The following NBDY variants were observed in gnomAD, a reference collection of about 807,000 sequenced individuals.
NBDY encodes negative regulator of P-body association, also known as P-body dissociating protein.
intron 2 of NBDY, among the ~76,000 whole-genome samples, chrX:56,764,549 C>A (rs1602657548): frequency 1.8e-5 from 2 of 110,364 alleles, no homozygotes; most frequent in African/African-American, 3.3e-5. Flanking sequence ...GATCTCTGTT[C>A]CTGGCAGAAG....
chrX:56,743,369 A>G (rs2069540969), intron 2 of NBDY, among the ~76,000 whole-genome samples: 1 of 111,145 alleles, frequency 9.0e-6, no homozygotes, highest in African/African-American at 3.3e-5. Flanking sequence ...TAGGATTGAT[A>G]TTAGTTCTTC....
At chrX:56,810,566 A>T (rs2069881066) in intron 2 of NBDY, among the ~76,000 whole-genome samples, 1 of 109,441 alleles carries the variant, frequency 9.1e-6, no homozygotes, top group African/African-American at 3.3e-5. Flanking sequence ...TGTATGCTTC[A>T]CGAAGTTCTT....
chrX:56,805,425 G>A (rs960432948), intron 2 of NBDY, among the ~76,000 whole-genome samples: 2 of 112,268 alleles, frequency 1.8e-5, no homozygotes, highest in African/African-American at 6.5e-5. Flanking sequence ...TCACTCAAAA[G>A]TGTAGGCCCA....
At position 56,802,383 on chromosome X, in the gene NBDY, C is replaced by T. The variant is rs745917631; in HGVS notation, c.*167-14937C>T. Among the ~76,000 whole-genome samples the T allele has an allele frequency of 2.8e-4, 31 of 111,993 alleles. No homozygotes were observed. The South Asian group carries it at 6.8e-3, about 25-fold the overall frequency. ...TGTGATGCCATGGGAATCTGTGTTG[C>T]GTGGTGGCCTTCCCCAGTTCCCCTA... On this transcript the variant is annotated intron_variant, in intron 2 of 2. Transcript: ENST00000374922.
intron 2 of NBDY, among the ~76,000 whole-genome samples, chrX:56,807,209 T>C (rs1313164386): frequency 2.7e-5 from 3 of 112,315 alleles, no homozygotes; most frequent in African/African-American, 9.7e-5. Context: ...CTGTTTTGGT[T>C]ACTGTAGCCT....
chrX:56,804,670 C>A (rs749814074), intron 2 of NBDY, among the ~76,000 whole-genome samples: 4 of 111,871 alleles, frequency 3.6e-5, no homozygotes, highest in South Asian at 7.5e-4. Flanking sequence ...GGTTTGATAC[C>A]GAGCACTCTG....
chrX:56,753,768 T>C (rs953242711), intron 2 of NBDY, among the ~76,000 whole-genome samples: 6 of 107,878 alleles, frequency 5.6e-5, no homozygotes, highest in Admixed American at 3.0e-4. Flanking sequence ...TTTAAAAGCA[T>C]CCATTGGTGA....
chrX:56,803,086 G>C (rs1468328774), intron 2 of NBDY, among the ~76,000 whole-genome samples: 1 of 112,029 alleles, frequency 8.9e-6, no homozygotes, highest in Admixed American at 9.4e-5. Context: ...AGCTGGGCAT[G>C]AGTGCTGGAG....
At chrX:56,788,743 G>T (rs1390410664) in intron 2 of NBDY, among the ~76,000 whole-genome samples, 1 of 112,738 alleles carries the variant, frequency 8.9e-6, no homozygotes, top group Non-Finnish European at 1.9e-5. Flanking sequence ...GCTGTCAGTG[G>T]CCAGTGGCTT....
rs2069819638 is a variant in NBDY, at chrX:56,801,020, G to A, written c.*167-16300G>A. On this transcript the variant is annotated intron_variant, in intron 2 of 2. Transcript: ENST00000374922. ...GTAGATTAGAAGCCCGTGGCCCCTT[G>A]CAGTGCGCTGATGACATCTGGAGGG... Among the ~76,000 whole-genome samples, 6 of 111,543 alleles carry A rather than the reference G, an allele frequency of 5.4e-5. No individual in the cohort carries two copies. The South Asian group carries it at 2.3e-3, about 43-fold the overall frequency.
chrX:56,766,521 G>A (rs947988352), intron 2 of NBDY, among the ~76,000 whole-genome samples: 20 of 111,866 alleles, frequency 1.8e-4, no homozygotes, highest in African/African-American at 5.5e-4. Flanking sequence ...AATCAAAGGG[G>A]TAGGGGCCCA....
At chrX:56,741,800 G>A (rs932558530) in intron 2 of NBDY, among the ~76,000 whole-genome samples, 1 of 111,102 alleles carries the variant, frequency 9.0e-6, no homozygotes, top group African/African-American at 3.3e-5. Flanking sequence ...ATACTTTATA[G>A]ACTGTTTGCT....
intron 2 of NBDY, among the ~76,000 whole-genome samples, 186 bp from the exon 3 acceptor site, chrX:56,817,134 G>A (rs1268766511): frequency 1.8e-5 from 2 of 111,549 alleles, no homozygotes; most frequent in Non-Finnish European, 3.8e-5. Flanking sequence ...AAAAGATGCA[G>A]GTTATTGACA....
At chrX:56,765,260 G>A (rs2069659879) in intron 2 of NBDY, among the ~76,000 whole-genome samples, 1 of 111,613 alleles carries the variant, frequency 9.0e-6, no homozygotes, top group Non-Finnish European at 1.9e-5. Context: ...TGCAGTGGGT[G>A]GCTGATTATC....
chrX:56,767,403 C>A (rs1296929679), intron 2 of NBDY, among the ~76,000 whole-genome samples: 1 of 113,425 alleles, frequency 8.8e-6, no homozygotes, highest in African/African-American at 3.2e-5. Flanking sequence ...CCTTGAGGAG[C>A]CCCTCAGCCC....
At chrX:56,737,415 G>A (rs956090667) in intron 2 of NBDY, 1 of 644,577 alleles carries the variant, frequency 1.6e-6, no homozygotes, top group Admixed American at 2.3e-5. Context: ...TCATTATAAA[G>A]GTTCTCAGGA....
intron 2 of NBDY, among the ~76,000 whole-genome samples, chrX:56,762,362 C>T (rs1300489724): frequency 9.2e-6 from 1 of 108,714 alleles, no homozygotes; most frequent in Non-Finnish European, 1.9e-5. Flanking sequence ...TCTCTCTTTT[C>T]CTTTCACTTT....
chrX:56,758,258 G>A (rs1407419215), intron 2 of NBDY, among the ~76,000 whole-genome samples: 13 of 107,213 alleles, frequency 1.2e-4, no homozygotes, highest in Non-Finnish European at 1.9e-4. Flanking sequence ...AGAGGTTTCA[G>A]GGAGCCGAGA....
intron 2 of NBDY, among the ~76,000 whole-genome samples, chrX:56,799,509 G>T (rs1328747580): frequency 8.8e-6 from 1 of 113,225 alleles, no homozygotes; most frequent in Non-Finnish European, 1.9e-5. Context: ...AGTTCCAATG[G>T]CAGGTACACT....
Sources: allele counts gnomAD v4.1 joint callset (sites outside exome capture counted in the v4.1 genomes callset), GRCh38; gene constraint gnomAD v4.1.1; transcripts MANE v1.5; gene names NCBI Gene and HGNC (gene_info 2026-07-23, HGNC 2026-07-21).